C8orf74: variants seen among roughly 807,000 people sequenced by gnomAD.
The protein encoded by C8orf74 is uncharacterized protein C8orf74.
Under a neutral mutation model 22.2 loss-of-function variants are expected in C8orf74, and 29 were observed. The observed-to-expected ratio is 1.31, with a 90% CI of 0.97 to 1.78. The LOEUF is 1.78. C8orf74 is among the 40% of genes most tolerant of loss of function. C8orf74 has a pLI of 0.00. For missense variants in C8orf74, 515 were observed against 369.9 expected, an observed-to-expected ratio of 1.39 and a Z score of -3.22; for synonymous variants, 255 against 163.1, an observed-to-expected ratio of 1.56 and a Z score of -4.30.
At chr8:10,684,701 TAGA>T (rs1413800086) in intron 2 of C8orf74, among the ~76,000 whole-genome samples, 2 of 152,246 alleles carry the variant, frequency 1.3e-5, no homozygotes, top group Non-Finnish European at 2.9e-5. Context: ...ATTTCACAGA[TAGA>T]AGATTTGTTC....
intron 2 of C8orf74, chr8:10,689,569 T>C (rs1478451939): frequency 3.9e-5 from 6 of 152,152 alleles, no homozygotes; most frequent in Non-Finnish European, 1.5e-5. Flanking sequence ...GAACACGAGA[T>C]TTAGGGCCGC....
chr8:10,672,852 G>A (rs950767136), intron 1 of C8orf74, 139 bp downstream of exon 1: 21 of 726,858 alleles, frequency 2.9e-5, no homozygotes, highest in Non-Finnish European at 4.6e-5. Flanking sequence ...AGGCTGTGAC[G>A]AGATGTGGGG....
At chr8:10,697,006 C>A (rs534492265) in intron 2 of C8orf74, among the ~76,000 whole-genome samples, 1 of 148,558 alleles carries the variant, frequency 6.7e-6, no homozygotes, top group East Asian at 2.0e-4. Context: ...TGTGATTATA[C>A]TGAGATCATA....
intron 2 of C8orf74, among the ~76,000 whole-genome samples, chr8:10,696,416 T>TC (rs948155415): frequency 7.0e-6 from 1 of 143,316 alleles, no homozygotes; most frequent in African/African-American, 2.9e-5. Context: ...CCACTCTTTT[T>TC]TTTTCTTTTC....
chr8:10,687,402 C>A (rs1454161034), intron 2 of C8orf74: 1 of 242,526 alleles, frequency 4.1e-6, no homozygotes, highest in African/African-American at 2.3e-5. Flanking sequence ...GTAATCCCGG[C>A]AGTTTGGGAG....
At chr8:10,683,452 A>T (rs1272950566) in intron 2 of C8orf74, among the ~76,000 whole-genome samples, 1 of 152,182 alleles carries the variant, frequency 6.6e-6, no homozygotes, top group East Asian at 1.9e-4. Flanking sequence ...CCAGCATCAG[A>T]GGGGACAAGG....
At chr8:10,674,927 GC>G (rs1253437740) in intron 2 of C8orf74, 89 bp downstream of exon 2, 1 of 1,156,018 alleles carries the variant, frequency 8.7e-7, no homozygotes, top group African/African-American at 1.5e-5. Context: ...AGCCCCAGCA[GC>G]CTTGGAGGAG....
rs1586049313 is a variant in C8orf74 at position 10,693,585 on chromosome 8, G to A, written c.242-4014G>A. On this transcript the variant is annotated intron_variant, in intron 2 of 3. Transcript: ENST00000304519. ...CCTCCTGTACACAAATCCCAATGCT[G>A]GGGGCTGAGAATACACAGGTGGCCA... is the stretch of plus-strand genomic sequence containing the variant. Among the ~76,000 whole-genome samples, 8 of 152,310 alleles carry A rather than the reference G, an allele frequency of 5.3e-5. 1 individual carries two copies. The South Asian group carries it at 1.7e-3, about 32-fold the overall frequency.
intron 2 of C8orf74, among the ~76,000 whole-genome samples, chr8:10,684,258 T>C (rs1799215284): frequency 6.6e-6 from 1 of 152,234 alleles, no homozygotes; most frequent in Non-Finnish European, 1.5e-5. Flanking sequence ...GAACCAGTAC[T>C]AACCTTGAGA....
intron 3 of C8orf74, among the ~76,000 whole-genome samples, chr8:10,699,558 G>T (rs556008863): frequency 6.6e-6 from 1 of 152,238 alleles, no homozygotes; most frequent in Non-Finnish European, 1.5e-5. Flanking sequence ...GAGAAACACA[G>T]TTACGTGGTC....
At chr8:10,700,211 A>C in intron 3 of C8orf74, 24 bp from the exon 4 acceptor site, 2 of 1,525,878 alleles carry the variant, frequency 1.3e-6, no homozygotes, top group Non-Finnish European at 1.8e-6. Flanking sequence ...AGCCCTGCTC[A>C]TCGGCCTTCC....
At chr8:10,680,928 T>G (rs1799136177) in intron 2 of C8orf74, among the ~76,000 whole-genome samples, 1 of 152,126 alleles carries the variant, frequency 6.6e-6, no homozygotes, top group Non-Finnish European at 1.5e-5. Context: ...GCGGGGGTCC[T>G]CTGTCTGTTT....
At chr8:10,683,665 G>T (rs1268852786) in intron 2 of C8orf74, among the ~76,000 whole-genome samples, 1 of 152,196 alleles carries the variant, frequency 6.6e-6, no homozygotes, top group African/African-American at 2.4e-5. Flanking sequence ...TGGCTACAGG[G>T]ACCGTCAGCT....
intron 2 of C8orf74, among the ~76,000 whole-genome samples, chr8:10,683,284 C>A (rs926775184): frequency 6.6e-6 from 1 of 152,250 alleles, no homozygotes; most frequent in African/African-American, 2.4e-5. Flanking sequence ...CCAGGCCTAC[C>A]TGGCAGGGTG....
Position 10,697,817 on chromosome 8 carries a change from G to C in C8orf74, c.460G>C (p.Ala154Pro). The change falls in exon 3 of 4, where the codon GCC (alanine) becomes CCC (proline). Residue 154 changes from alanine (A) to proline (P), a missense_variant. Transcript: ENST00000304519. ...CATGCCACCCCATCCCCTCCCGCTG[G>C]CCGAGGGCATGGACAGGGACTTGTG... ...VCMPPHPLPL[A>P]EGMDRDLWIH... The C allele has an allele frequency of 6.2e-7, 1 of 1,613,970 alleles. No individual in the cohort carries two copies. Among genetic ancestry groups the C allele is most frequent in the Non-Finnish European group, 8.5e-7 (1 of 1,179,876 alleles).
chr8:10,696,047 C>T (rs1328242272), intron 2 of C8orf74, among the ~76,000 whole-genome samples: 1 of 152,172 alleles, frequency 6.6e-6, no homozygotes, highest in Non-Finnish European at 1.5e-5. Flanking sequence ...GGGCCATGCT[C>T]TTCTGCTGCC....
intron 2 of C8orf74, chr8:10,688,921 A>G (rs1001812673): frequency 1.1e-4 from 16 of 152,196 alleles, no homozygotes; most frequent in African/African-American, 3.9e-4. Flanking sequence ...CAAAGGTGGC[A>G]AGCTCTCAGG....
chr8:10,680,920 G>T (rs989417348), intron 2 of C8orf74, among the ~76,000 whole-genome samples: 41 of 152,228 alleles, frequency 2.7e-4, no homozygotes, highest in Admixed American at 1.2e-3. Context: ...AGGCAGGAGC[G>T]GGGGTCCTCT....
intron 2 of C8orf74, among the ~76,000 whole-genome samples, chr8:10,677,028 C>A (rs1277981269): frequency 6.6e-6 from 1 of 152,142 alleles, no homozygotes; most frequent in Non-Finnish European, 1.5e-5. Flanking sequence ...TTGGAGCATG[C>A]CTTATCAACA....
Sources: gnomAD v4.1 joint callset for allele counts (sites outside exome capture counted in the v4.1 genomes callset) on GRCh38, gnomAD v4.1.1 for gene constraint, MANE v1.5 for transcripts, NCBI Gene and HGNC (gene_info 2026-07-23, HGNC 2026-07-21) for gene names.